SCNN1A: variants seen among roughly 807,000 people sequenced by gnomAD.
SCNN1A encodes the protein sodium channel epithelial 1 subunit alpha.
In SCNN1A, 65 loss-of-function variants were observed where a neutral mutation model predicts 68.6. The observed-to-expected ratio is 0.95, with a 90% confidence interval of 0.78 to 1.16. The LOEUF is 1.16. Among genes scored for constraint, SCNN1A ranks in the 50% most tolerant of loss-of-function variants. The pLI is 0.00. For synonymous variants in SCNN1A, 357 were observed against 353.3 expected (o/e 1.01, Z -0.12); for missense variants, 880 against 865.9 (o/e 1.02, Z -0.20).
intron 4 of SCNN1A, among the ~76,000 whole-genome samples, chr12:6,357,077 G>A (rs958029425): frequency 4.6e-5 from 7 of 152,180 alleles, no homozygotes; most frequent in African/African-American, 1.7e-4. Context: ...GATGTACTGG[G>A]AAGTCAGCAC....
intron 4 of SCNN1A, 69 bp downstream of exon 4, chr12:6,361,982 G>C: frequency 2.0e-6 from 3 of 1,524,064 alleles, no homozygotes; most frequent in South Asian, 2.2e-5. Flanking sequence ...CCCTGCCCAT[G>C]CAGGGCGTGA....
chr12:6,347,968 C>T lies in SCNN1A; in HGVS notation c.1915G>A (p.Ala639Thr), dbSNP rs1948292278. 1.3e-6 allele frequency: 2 copies of T among 1,562,118 alleles called. No individual in the cohort carries two copies. The highest frequency in any genetic ancestry group is 1.4e-5 in the African/African-American group (1 of 73,708). Residue 639 changes from alanine (A) to threonine (T), a missense_variant, in exon 13 of 13, where the codon GCC becomes ACC. Physicochemically the swap from Ala to Thr is moderately conservative, Grantham distance 58. Around this residue, in one of 3 missense-constraint regions of SCNN1A, gnomAD observed 758 missense variants for 721.8 expected, o/e 1.05. Transcript: ENST00000228916. Reference sequence around the variant, plus strand: ...AGGGTGGCATAGGCAGGGGGAGGGGCTGTCAAGGCTGGAGAGGGAGCAGGG... The same window carrying T: ...AGGGTGGCATAGGCAGGGGGAGGGGTTGTCAAGGCTGGAGAGGGAGCAGGG... ...PGPAPSPALT[A>T]PPPAYATLGP...
In SCNN1A at chr12:6,375,529, G is replaced by A. The variant is rs1328874316; in HGVS notation, c.-79C>T. ...CCTGACAGGTGCAGCGGCCTGGCTG[G>A]GGAGCCCGCCCGCTGGCCGGCCAGG... On this transcript the variant is annotated 5_prime_UTR_variant, in exon 1 of 13. Coordinates refer to ENST00000228916, the MANE Select transcript of SCNN1A (RefSeq NM_001038.6). 1.6e-5 allele frequency: 25 copies of A among 1,535,254 alleles called. No individual in the cohort carries two copies. The highest frequency in any genetic ancestry group is 2.0e-5 in the Non-Finnish European group (23 of 1,146,744).
chr12:6,375,606 G>A (rs72645138), upstream of SCNN1A: 595 of 1,320,854 alleles, frequency 4.5e-4, no homozygotes, highest in Non-Finnish European at 5.5e-4. Context: ...TGAGCAGGGC[G>A]GGGGGAGGGG....
chr12:6,373,701 C>G (rs562183091), intron 2 of SCNN1A, among the ~76,000 whole-genome samples: 1 of 152,342 alleles, frequency 6.6e-6, no homozygotes, highest in South Asian at 2.1e-4. Context: ...AGGTCAGGCA[C>G]CTGGGCAGGT....
At chr12:6,361,964 T>C in intron 4 of SCNN1A, 87 bp downstream of exon 4, 1 of 1,444,918 alleles carries the variant, frequency 6.9e-7, no homozygotes, top group Non-Finnish European at 9.7e-7. Flanking sequence ...CAACAAGCAT[T>C]TCCTGGGCCC....
chr12:6,359,079 A>T (rs1948542586), intron 4 of SCNN1A, among the ~76,000 whole-genome samples: 1 of 152,184 alleles, frequency 6.6e-6, no homozygotes, highest in Admixed American at 6.5e-5. Context: ...AGTGGCTCTC[A>T]GGGCTTGGAG....
Position 6,363,463 on chromosome 12 carries a change from A to G in SCNN1A, c.664T>C (p.Trp222Arg). 2 of 1,597,498 alleles carry G rather than the reference A, an allele frequency of 1.3e-6. No homozygotes were observed. The highest frequency in any genetic ancestry group is 1.7e-6 in the Non-Finnish European group (2 of 1,173,290). Reference sequence around the variant, plus strand: ...CTCACCAGCTGGAAGCCGATCTTCCAGTCCTTCCAGTCCACCTGGGGGTTG... The same window carrying G: ...CTCACCAGCTGGAAGCCGATCTTCCGGTCCTTCCAGTCCACCTGGGGGTTG... ...DNNPQVDWKD[W>R]KIGFQLCNQN... Residue 222 changes from tryptophan (W) to arginine (R), a missense_variant, in exon 3 of 13, where the codon TGG becomes CGG. Trp to Arg is a moderately radical substitution (Grantham distance 101). This residue lies in a region of SCNN1A where 758 missense variants were observed against 721.8 expected (regional missense o/e 1.05). Coordinates refer to ENST00000228916, the MANE Select transcript of SCNN1A (RefSeq NM_001038.6).
At chr12:6,357,844 C>A (rs1344990980) in intron 4 of SCNN1A, among the ~76,000 whole-genome samples, 1 of 152,130 alleles carries the variant, frequency 6.6e-6, no homozygotes, top group East Asian at 1.9e-4. Context: ...ACTAAAAATA[C>A]AAAATTAGCC....
In SCNN1A at chr12:6,348,736, G is replaced by C. The variant is rs1397275870; in HGVS notation, c.1620C>G (p.Pro540=). The change falls in exon 12 of 13, where the codon CCC becomes CCG. Residue 540 remains proline, a synonymous_variant. Transcript: ENST00000228916. The part of the protein sequence containing the change: ...ELNYKTNSES[P]SVTMVTLLSN... ...TCCAGGCACGACCTACCGTGACAGA[G>C]GGAGACTCAGAATTGGTTTTGTAGT... The C allele has an allele frequency of 1.2e-6, 2 of 1,613,188 alleles. No homozygotes were observed. Among genetic ancestry groups the C allele is most frequent in the South Asian group, 2.2e-5 (2 of 91,008 alleles).
chr12:6,355,442 G>T lies in SCNN1A; in HGVS notation c.980-7C>A. On this transcript the variant is annotated splice_region_variant and splice_polypyrimidine_tract_variant and intron_variant, in intron 5 of 12. Transcript: ENST00000228916. ...CGCAGCATCAGGGACAGACCTAGGG[G>T]TGCAGAGAGAGCAGAGTTGGCAGAG... The T allele has an allele frequency of 6.2e-7, 1 of 1,613,656 alleles. No homozygotes were observed. Among genetic ancestry groups the T allele is most frequent in the Non-Finnish European group, 8.5e-7 (1 of 1,179,892 alleles).
chr12:6,358,588 G>C (rs1281394525), intron 4 of SCNN1A, among the ~76,000 whole-genome samples: 1 of 142,230 alleles, frequency 7.0e-6, no homozygotes, highest in Admixed American at 6.6e-5. Flanking sequence ...GCCGGGCGTG[G>C]TGGCTTACAC....
At position 6,348,213 on chromosome 12, in the gene SCNN1A, A is replaced by G; in HGVS notation, c.1670T>C (p.Leu557Pro). ...AGACAACACCGAGGAGCCGAACCAC[A>G]GGCTCCACTGGCTGCCCAGGTTGGA... is the stretch of plus-strand genomic sequence containing the variant. Reference protein sequence around the residue: ...LLSNLGSQWSLWFGSSVLSVV... With the variant: ...LLSNLGSQWSPWFGSSVLSVV... The change falls in exon 13 of 13, where the codon CTG becomes CCG. Residue 557 changes from leucine (L) to proline (P), a missense_variant. This residue lies in a region of SCNN1A where 758 missense variants were observed against 721.8 expected (regional missense o/e 1.05). Coordinates refer to ENST00000228916, the MANE Select transcript of SCNN1A (RefSeq NM_001038.6). 4.3e-6 allele frequency: 7 copies of G among 1,614,104 alleles called. No homozygotes were observed. The highest frequency in any genetic ancestry group is 5.9e-6 in the Non-Finnish European group (7 of 1,180,002).
At chr12:6,356,102 C>T in intron 4 of SCNN1A, 1 of 599,222 alleles carries the variant, frequency 1.7e-6, no homozygotes, top group Non-Finnish European at 3.0e-6. Context: ...GAGTCTCATC[C>T]TCATATCACA....
At position 6,348,751 on chromosome 12, in the gene SCNN1A, G is replaced by A. The variant is rs751665454; in HGVS notation, c.1605C>T (p.Thr535=). The change falls in exon 12 of 13, where the codon ACC becomes ACT. Residue 535 remains threonine, a synonymous_variant. Coordinates refer to ENST00000228916, the MANE Select transcript of SCNN1A (RefSeq NM_001038.6). The stretch of plus-strand genomic sequence containing the variant: ...CCGTGACAGAGGGAGACTCAGAATT[G>A]GTTTTGTAGTTCAGCTCCTTGAAGA... ...NIFFKELNYK[T]NSESPSVTMV... is the part of the protein sequence containing the mutation. 2.5e-6 allele frequency: 4 copies of A among 1,613,432 alleles called. No homozygotes were observed. Among genetic ancestry groups the A allele is most frequent in the Non-Finnish European group, 3.4e-6 (4 of 1,179,876 alleles).
In SCNN1A at chr12:6,347,912, T is replaced by C; in HGVS notation, c.1971A>G (p.Ala657=). The C allele has an allele frequency of 6.3e-7, 1 of 1,596,562 alleles. No individual in the cohort carries two copies. Reference sequence around the variant, plus strand: ...GAGGACAGGTGGAGGAACTGGCCCCTGCAGAGCCCCCTGGAGATGGGCGGG... The same window carrying C: ...GAGGACAGGTGGAGGAACTGGCCCCCGCAGAGCCCCCTGGAGATGGGCGGG... ...LGPRPSPGGS[A]GASSSTCPLG... The change falls in exon 13 of 13, where the codon GCA becomes GCG. Residue 657 remains alanine, a synonymous_variant. Transcript: ENST00000228916.
At position 6,374,311 on chromosome 12, in the gene SCNN1A, C is replaced by T; in HGVS notation, c.416+57G>A. 1 of 1,589,442 alleles carries T rather than the reference C, an allele frequency of 6.3e-7. No homozygotes were observed. Among genetic ancestry groups the T allele is most frequent in the South Asian group, 1.1e-5 (1 of 87,848 alleles). ...TGCCTGCCCAGTGAGCACCTCAGCACCCTGGACCACCCTTCCAGGCGCAGG... is the reference window on the plus strand; with the variant it reads ...TGCCTGCCCAGTGAGCACCTCAGCATCCTGGACCACCCTTCCAGGCGCAGG... On this transcript the variant is annotated intron_variant, in intron 2 of 12. Transcript: ENST00000228916. The surrounding 1 kb of genome is among the most constrained non-coding windows in gnomAD (Gnocchi z 6.2).
At chr12:6,350,444 A>G (rs1027321821) in intron 8 of SCNN1A, among the ~76,000 whole-genome samples, 6 of 152,042 alleles carry the variant, frequency 3.9e-5, no homozygotes, top group Middle Eastern at 3.4e-3. Flanking sequence ...AAAAAAAAAA[A>G]AAAAGAAAAG....
chr12:6,359,026 G>C (rs1002969867), intron 4 of SCNN1A, among the ~76,000 whole-genome samples: 22 of 152,134 alleles, frequency 1.4e-4, no homozygotes, highest in Non-Finnish European at 2.9e-4. Flanking sequence ...CCACTTATGT[G>C]AAATGTCCAC....
Sources: gnomAD v4.1 joint callset for allele counts (sites outside exome capture counted in the v4.1 genomes callset) on GRCh38, gnomAD v4.1.1 for gene constraint, gnomAD v4.1.1 regional missense constraint, Gnocchi (gnomAD v3.1) non-coding constraint, MANE v1.5 for transcripts, NCBI Gene and HGNC (gene_info 2026-07-23, HGNC 2026-07-21) for gene names.